PLB1: variants seen among roughly 807,000 people sequenced by gnomAD.
PLB1 encodes phospholipase B1.
A neutral mutation model predicts 227.4 loss-of-function variants in PLB1; 242 were observed. That is an observed-to-expected ratio of 1.06 (90% CI 0.96 to 1.18). PLB1 has a LOEUF of 1.18. Ranked by LOEUF, PLB1 falls within the 50% of genes most tolerant of loss-of-function variation. PLB1 has a pLI of 0.00. For missense variants in PLB1, 1,858 were observed against 1,816.3 expected, an observed-to-expected ratio of 1.02 and a Z score of -0.42; for synonymous variants, 757 against 682.2, an observed-to-expected ratio of 1.11 and a Z score of -1.71.
At chr2:28,633,296 G>GA in intron 56 of PLB1, 2 of 465,022 alleles carry the variant, frequency 4.3e-6, no homozygotes, top group East Asian at 7.7e-5. Flanking sequence ...CAGGTACTGC[G>GA]AGGGGATCCC....
At chr2:28,556,886 G>C (rs1484338398) in intron 17 of PLB1, among the ~76,000 whole-genome samples, 1 of 152,174 alleles carries the variant, frequency 6.6e-6, no homozygotes, top group East Asian at 1.9e-4. Flanking sequence ...TGATGTCATT[G>C]ATTTGACCCA....
rs1262138650 is a variant in PLB1 at position 28,606,571 on chromosome 2, G to A, written c.3129+4G>A. ...GCCCATCACCTGTCCCACTCAGGTA[G>A]TAGGGGAGGACCTGCCTGGCTCCTC... On this transcript the variant is annotated splice_donor_region_variant and intron_variant, in intron 43 of 57. Coordinates refer to ENST00000327757, the MANE Select transcript of PLB1 (RefSeq NM_153021.5). The A allele has an allele frequency of 6.2e-7, 1 of 1,613,828 alleles. No homozygotes were observed. Among genetic ancestry groups the A allele is most frequent in the South Asian group, 1.1e-5 (1 of 91,082 alleles).
chr2:28,632,442 G>C (rs1255285588), intron 55 of PLB1, among the ~76,000 whole-genome samples: 2 of 152,080 alleles, frequency 1.3e-5, no homozygotes, highest in Non-Finnish European at 2.9e-5. Context: ...TTAGGATAGG[G>C]GTGCTGAAAG....
intron 8 of PLB1, among the ~76,000 whole-genome samples, chr2:28,530,687 C>A (rs1670897145): frequency 6.6e-6 from 1 of 152,260 alleles, no homozygotes; most frequent in Non-Finnish European, 1.5e-5. Context: ...CAAGGCAAGC[C>A]TTGCTAGCAA....
chr2:28,524,334 A>T lies in PLB1; in HGVS notation c.244-933A>T, dbSNP rs573846228. 2.6e-5 allele frequency among the ~76,000 whole-genome samples: 4 copies of T among 152,190 alleles called. No homozygotes were observed. In the East Asian group the frequency reaches 7.7e-4, roughly 29 times the overall value. On this transcript the variant is annotated intron_variant, in intron 4 of 57. Coordinates refer to ENST00000327757, the MANE Select transcript of PLB1 (RefSeq NM_153021.5). ...TTTATATGTCCTGGGCACAATTCCA[A>T]GCTTTCTGGGAGCTTACAAAAGGAC...
chr2:28,591,216 G>A (rs1681865071), intron 30 of PLB1, 45 bp downstream of exon 30: 1 of 1,610,704 alleles, frequency 6.2e-7, no homozygotes, highest in Non-Finnish European at 8.5e-7. Flanking sequence ...CAATGCAATG[G>A]GCAACCCCTG....
rs1416135751 is a variant in PLB1 at position 28,604,006 on chromosome 2, C to T, written c.2815C>T (p.Gln939Ter). The T allele has an allele frequency of 3.7e-6, 6 of 1,614,100 alleles. No individual in the cohort carries two copies. Among genetic ancestry groups the T allele is most frequent in the Non-Finnish European group, 5.1e-6 (6 of 1,180,038 alleles). ...CGTTCTGACCCTGCGGGAGAACTCC[C>T]AAGAGCTAGCCAGGCTGGAGGCCTT... ...NCVLTLRENSQELARLEAFSR... is the reference protein window; with the variant it reads ...NCVLTLRENS The change falls in exon 40 of 58, where the codon CAA (glutamine) becomes TAA (stop). Residue 939 changes from glutamine to a stop codon, truncating the protein, a stop_gained. Coordinates refer to ENST00000327757, the MANE Select transcript of PLB1 (RefSeq NM_153021.5). LOFTEE classifies it high-confidence loss of function.
At chr2:28,577,008 A>G (rs1679074580) in intron 21 of PLB1, among the ~76,000 whole-genome samples, 1 of 152,198 alleles carries the variant, frequency 6.6e-6, no homozygotes, top group African/African-American at 2.4e-5. Flanking sequence ...GGTGGTAATG[A>G]TGGCAGAAAT....
intron 41 of PLB1, among the ~76,000 whole-genome samples, chr2:28,605,212 G>A (rs1313345360): frequency 6.6e-6 from 1 of 152,186 alleles, no homozygotes; most frequent in Admixed American, 6.5e-5. Flanking sequence ...CATTCTGGGG[G>A]TTCTCTGTTT....
In PLB1 at chr2:28,632,069, TAC is replaced by T; in HGVS notation, c.3937_3938del (p.Gln1313AlafsTer2). ...GISSFSYWHQ[Y>X]TQREDFAVVV... Reference sequence around the variant, plus strand: ...CTCCAGTTTCTCCTACTGGCACCAATACACACAGCGTGAGGACTTTGCGGTTG... The same window carrying T: ...CTCCAGTTTCTCCTACTGGCACCAATACACAGCGTGAGGACTTTGCGGTTG... On this transcript the variant is annotated frameshift_variant, in exon 55 of 58. Coordinates refer to ENST00000327757, the MANE Select transcript of PLB1 (RefSeq NM_153021.5). LOFTEE classifies it high-confidence loss of function. The T allele has an allele frequency of 6.2e-7, 1 of 1,614,094 alleles. No individual in the cohort carries two copies. Among genetic ancestry groups the T allele is most frequent in the Non-Finnish European group, 8.5e-7 (1 of 1,179,990 alleles).
Position 28,628,608 on chromosome 2 carries a change from C to G in PLB1, c.3706C>G (p.Leu1236Val). The G allele has an allele frequency of 6.2e-7, 1 of 1,614,162 alleles. No homozygotes were observed. The highest frequency in any genetic ancestry group is 8.5e-7 in the Non-Finnish European group (1 of 1,180,012). The change falls in exon 52 of 58, where the codon CTG (leucine) becomes GTG (valine). Residue 1236 changes from leucine to valine, a missense_variant. By Grantham distance (32) the Leu-to-Val change is conservative (BLOSUM62 1). Coordinates refer to ENST00000327757, the MANE Select transcript of PLB1 (RefSeq NM_153021.5). ...ATATGTTCAGCACATCCAACAGGCC[C>G]TGGACATCCTCTCTGAGGAGGTAGG... is the stretch of plus-strand genomic sequence containing the variant. ...TEYVQHIQQA[L>V]DILSEELPRA...
rs1244542511 is a variant in PLB1, at chr2:28,566,688, GC to G, written c.1281-103del. ...GTGATGGGGAAAGTGCAAGCTCCAG[GC>G]CCCCGGGCTGTTTCTCGGGAGACGG... On this transcript the variant is annotated intron_variant, in intron 19 of 57. Transcript: ENST00000327757. 8.8e-6 allele frequency: 11 copies of G among 1,243,294 alleles called. No homozygotes were observed. In the Admixed American group the frequency reaches 1.2e-4, roughly 13 times the overall value. The allele number at this position is 1,243,294 out of a possible 1,614,324, so 77.0% of individuals were successfully genotyped here.
At chr2:28,593,116 G>A (rs999460838) in intron 32 of PLB1, among the ~76,000 whole-genome samples, 1 of 152,158 alleles carries the variant, frequency 6.6e-6, no homozygotes, top group African/African-American at 2.4e-5. Context: ...GAAAGCAGCA[G>A]GACTCCTTAG....
chr2:28,576,489 G>A (rs1168705334), intron 21 of PLB1, among the ~76,000 whole-genome samples: 1 of 152,200 alleles, frequency 6.6e-6, no homozygotes, highest in Non-Finnish European at 1.5e-5. Flanking sequence ...CAGCACTTTG[G>A]GAGGCCGAGG....
chr2:28,614,884 G>A (rs895959732), intron 44 of PLB1, among the ~76,000 whole-genome samples: 21 of 152,214 alleles, frequency 1.4e-4, no homozygotes, highest in African/African-American at 5.1e-4. Flanking sequence ...ATTCCAGGAA[G>A]ACAGAAATGT....
At chr2:28,601,586 T>C (rs1414399769) in intron 37 of PLB1, among the ~76,000 whole-genome samples, 1 of 152,182 alleles carries the variant, frequency 6.6e-6, no homozygotes, top group Admixed American at 6.5e-5. Flanking sequence ...ATGGTATTTC[T>C]ACTCCTCTCT....
intron 21 of PLB1, among the ~76,000 whole-genome samples, chr2:28,575,626 A>G (rs1269648411): frequency 6.6e-6 from 1 of 152,194 alleles, no homozygotes; most frequent in Non-Finnish European, 1.5e-5. Context: ...GCTGGAGTGC[A>G]GTGGCGCGAT....
At chr2:28,496,445 A>G (rs568556282) in intron 1 of PLB1, among the ~76,000 whole-genome samples, 1 of 151,922 alleles carries the variant, frequency 6.6e-6, no homozygotes, top group Non-Finnish European at 1.5e-5. Flanking sequence ...TACAAAAAAA[A>G]CCCCTGGATT....
At chr2:28,535,066 T>C (rs1671511261) in intron 9 of PLB1, among the ~76,000 whole-genome samples, 1 of 152,196 alleles carries the variant, frequency 6.6e-6, no homozygotes, top group South Asian at 2.1e-4. Context: ...TCAGACTTAA[T>C]GATTTTTGTC....
Sources: gnomAD v4.1 joint callset for allele counts (sites outside exome capture counted in the v4.1 genomes callset) on GRCh38, gnomAD v4.1.1 for gene constraint, MANE v1.5 for transcripts, NCBI Gene and HGNC (gene_info 2026-07-23, HGNC 2026-07-21) for gene names.